LAMA4: variants seen among roughly 807,000 people sequenced by gnomAD.
LAMA4 encodes laminin subunit alpha-4.
Under a neutral mutation model 207.1 loss-of-function variants are expected in LAMA4, and 127 were observed. The observed-to-expected ratio is 0.61, with a 90% CI of 0.53 to 0.71. The LOEUF (loss-of-function observed/expected upper bound fraction) is 0.71, where lower values mean the gene tolerates loss of function less well. LAMA4 is among the 30% of genes least tolerant of loss of function. LAMA4 has a pLI of 0.00. For missense variants in LAMA4, 2,093 were observed against 2,246.5 expected (o/e 0.93, Z 1.38); for synonymous variants, 761 against 816.0 (o/e 0.93, Z 1.15).
At chr6:112,121,491 G>A (rs2114596995) in intron 32 of LAMA4, among the ~76,000 whole-genome samples, 1 of 152,240 alleles carries the variant, frequency 6.6e-6, no homozygotes, top group East Asian at 1.9e-4. Context: ...AAAATATTTG[G>A]GTGCTAAAAC....
chr6:112,112,835 T>G (rs1777781714), intron 38 of LAMA4, among the ~76,000 whole-genome samples: 1 of 152,186 alleles, frequency 6.6e-6, no homozygotes, highest in Non-Finnish European at 1.5e-5. Flanking sequence ...GCTCTCTTCT[T>G]TAAAGCATTG....
At position 112,141,438 on chromosome 6, in the gene LAMA4, T is replaced by C; in HGVS notation, c.2733A>G (p.Gly911=). 6.2e-7 allele frequency: 1 copy of C among 1,612,832 alleles called. No individual in the cohort carries two copies. Among genetic ancestry groups the C allele is most frequent in the Non-Finnish European group, 8.5e-7 (1 of 1,178,794 alleles). ...NDNLVYVYNL[G]TKDVEIPLDS... The stretch of plus-strand genomic sequence containing the variant: ...CCAGGGGAATCTCCACATCTTTAGT[T>C]CCCAAATTATAGACGTATACCAGAT... The change falls in exon 21 of 39, where the codon GGA becomes GGG. Residue 911 remains glycine, a synonymous_variant. Coordinates refer to ENST00000230538, the MANE Select transcript of LAMA4 (RefSeq NM_001105206.3).
At chr6:112,161,849 G>C (rs1554338462) in intron 13 of LAMA4, among the ~76,000 whole-genome samples, 1 of 152,088 alleles carries the variant, frequency 6.6e-6, no homozygotes, top group Non-Finnish European at 1.5e-5. Context: ...GAAAAATAGA[G>C]AGGAGTTTGT....
chr6:112,171,215 C>CT lies in LAMA4; in HGVS notation c.1551+1395dup, dbSNP rs553860003. ...TTTCATTTCCTTTTATCTGTCTCTCCTTTTTTTTTTTTTTAAACTACTGGT... is the reference window on the plus strand; with the variant it reads ...TTTCATTTCCTTTTATCTGTCTCTCCTTTTTTTTTTTTTTTAAACTACTGGT... On this transcript the variant is annotated intron_variant, in intron 12 of 38. Coordinates refer to ENST00000230538, the MANE Select transcript of LAMA4 (RefSeq NM_001105206.3). 1.5e-3 allele frequency among the ~76,000 whole-genome samples: 222 copies of CT among 143,698 alleles called. 2 individuals are homozygous for CT. The highest frequency in any genetic ancestry group is 0.013 in the South Asian group (60 of 4,478). The allele number at this position is 143,698 out of a possible 152,430, so 94.3% of individuals were successfully genotyped here.
rs1554190498 is a variant in LAMA4 at position 112,254,048 on chromosome 6, C to T, written c.103G>A (p.Asp35Asn). ...CCAACCGCTGAGCTCCCTTCAATGT[C>T]AAAAGGAAAAGCGTTGTCGTCCCCG... The part of the protein sequence containing the change: ...ASGDDNAFPF[D>N]IEGSSAVGRQ... The change falls in exon 2 of 39, where the codon GAC becomes AAC. Residue 35 changes from aspartate to asparagine, a missense_variant. By Grantham distance (23) the Asp-to-Asn change is conservative (BLOSUM62 1). Transcript: ENST00000230538. The T allele has an allele frequency of 6.2e-7, 1 of 1,603,338 alleles. No individual in the cohort carries two copies. The highest frequency in any genetic ancestry group is 8.5e-7 in the Non-Finnish European group (1 of 1,175,048).
rs1554320951 is a variant in LAMA4 at position 112,109,527 on chromosome 6, G to T, written c.5382C>A (p.Arg1794=). 1 of 1,614,078 alleles carries T rather than the reference G, an allele frequency of 6.2e-7. No individual in the cohort carries two copies. Among genetic ancestry groups the T allele is most frequent in the African/African-American group, 1.3e-5 (1 of 75,028 alleles). Residue 1794 remains arginine, a synonymous_variant, in exon 39 of 39, where the codon CGC becomes CGA. Coordinates refer to ENST00000230538, the MANE Select transcript of LAMA4 (RefSeq NM_001105206.3). The part of the protein sequence containing the change: ...APSKPFTGCI[R]HFVIDGHPVS... ...CTGGGTGTCCATCAATCACAAAGTGGCGTATGCAGCCTGTGAAGGGTTTGC... is the reference window on the plus strand; with the variant it reads ...CTGGGTGTCCATCAATCACAAAGTGTCGTATGCAGCCTGTGAAGGGTTTGC...
At chr6:112,227,970 A>G (rs782809657) in intron 2 of LAMA4, among the ~76,000 whole-genome samples, 1 of 152,232 alleles carries the variant, frequency 6.6e-6, no homozygotes, top group Non-Finnish European at 1.5e-5. Context: ...AATAGTGCAC[A>G]ATACTCTCAT....
intron 22 of LAMA4, among the ~76,000 whole-genome samples, chr6:112,140,378 T>C (rs1779619370): frequency 6.6e-6 from 1 of 152,216 alleles, no homozygotes; most frequent in Admixed American, 6.5e-5. Context: ...CTTTATTTCA[T>C]ACCTGTATTA....
At chr6:112,213,500 A>G (rs1175142065) in intron 3 of LAMA4, 1 of 152,236 alleles carries the variant, frequency 6.6e-6, no homozygotes, top group East Asian at 1.9e-4. Flanking sequence ...TCCAGTTCTC[A>G]TAAGATGCAA....
At chr6:112,249,887 C>CT (rs1452409473) in intron 2 of LAMA4, among the ~76,000 whole-genome samples, 1 of 152,168 alleles carries the variant, frequency 6.6e-6, no homozygotes, top group Non-Finnish European at 1.5e-5. Flanking sequence ...AGGAATAATA[C>CT]TTTTTTCACA....
chr6:112,221,012 T>C (rs1784893790), intron 2 of LAMA4, among the ~76,000 whole-genome samples: 1 of 152,196 alleles, frequency 6.6e-6, no homozygotes, highest in African/African-American at 2.4e-5. Flanking sequence ...TTGAGAAGCC[T>C]GATTTATTAA....
intron 2 of LAMA4, among the ~76,000 whole-genome samples, chr6:112,238,508 G>C (rs530899696): frequency 1.3e-5 from 2 of 151,716 alleles, no homozygotes; most frequent in Non-Finnish European, 2.9e-5. Flanking sequence ...TCAGGAGTTC[G>C]AGACCAGCCT....
chr6:112,254,170 A>G lies in LAMA4; in HGVS notation c.-20T>C, dbSNP rs1457371268. On this transcript the variant is annotated 5_prime_UTR_variant, in exon 2 of 39. Transcript: ENST00000230538. ...AGCCATTTCTCCGCTGACATCCAGT[A>G]GTGCTCTTCCAGGGCTCGGGCGCTG... 2 of 1,612,284 alleles carry G rather than the reference A, an allele frequency of 1.2e-6. No homozygotes were observed. The highest frequency in any genetic ancestry group is 1.3e-5 in the African/African-American group (1 of 74,926).
At chr6:112,166,702 A>G (rs1554340056) in intron 12 of LAMA4, among the ~76,000 whole-genome samples, 1 of 152,252 alleles carries the variant, frequency 6.6e-6, no homozygotes, top group East Asian at 1.9e-4. Context: ...CTTACCGTAT[A>G]TAGCATTAGA....
At chr6:112,204,084 A>G (rs1344597821) in intron 4 of LAMA4, among the ~76,000 whole-genome samples, 1 of 152,172 alleles carries the variant, frequency 6.6e-6, no homozygotes, top group Admixed American at 6.5e-5. Context: ...CTCAACTAAC[A>G]TACCGGATAC....
At position 112,150,734 on chromosome 6, in the gene LAMA4, A is replaced by G. The variant is rs528935162; in HGVS notation, c.2057-107T>C. 16 of 806,920 alleles carry G rather than the reference A, an allele frequency of 2.0e-5. No homozygotes were observed. In the East Asian group the frequency reaches 2.2e-4, roughly 11 times the overall value. The allele number at this position is 806,920 out of a possible 1,614,324, so 50.0% of individuals were successfully genotyped here. On this transcript the variant is annotated intron_variant, in intron 16 of 38. Coordinates refer to ENST00000230538, the MANE Select transcript of LAMA4 (RefSeq NM_001105206.3). Reference sequence around the variant, plus strand: ...TTTGTACGATGCAGTCATCTGCAGTATTTGCAGTATTCTGAATACTCTGAA... The same window carrying G: ...TTTGTACGATGCAGTCATCTGCAGTGTTTGCAGTATTCTGAATACTCTGAA...
At chr6:112,209,395 G>T (rs1279140059) in intron 3 of LAMA4, among the ~76,000 whole-genome samples, 1 of 152,180 alleles carries the variant, frequency 6.6e-6, no homozygotes, top group African/African-American at 2.4e-5. Flanking sequence ...GGCAGCCATG[G>T]GAAGCAGTGA....
rs1554333024 is a variant in LAMA4 at position 112,140,912 on chromosome 6, G to A, written c.2824C>T (p.His942Tyr). 1 of 1,611,546 alleles carries A rather than the reference G, an allele frequency of 6.2e-7. No homozygotes were observed. Among genetic ancestry groups the A allele is most frequent in the African/African-American group, 1.3e-5 (1 of 74,814 alleles). ...GGGACTGTTAAAAACACCTTTCCAT[G>A]TTTTCCCACCCTATTGAGATAAATA... ...SIVKIERVGK[H>Y]GKVFLTVPSL... The change falls in exon 22 of 39, where the codon CAT becomes TAT. Residue 942 changes from histidine (H) to tyrosine (Y), a missense_variant. His to Tyr is a moderately conservative substitution (Grantham distance 83). Around this residue, in one of 3 missense-constraint regions of LAMA4, gnomAD observed 1,704 missense variants for 1,788.4 expected, o/e 0.95. Coordinates refer to ENST00000230538, the MANE Select transcript of LAMA4 (RefSeq NM_001105206.3).
Position 112,254,528 on chromosome 6 carries a change from C to T in LAMA4, c.-211G>A, listed in dbSNP as rs548862313. 1.1e-4 allele frequency: 38 copies of T among 352,782 alleles called. No individual in the cohort carries two copies. In the Admixed American group the frequency reaches 1.4e-3, roughly 13 times the overall value. 21.9% of individuals were successfully genotyped at this position (352,782 alleles called of 1,614,324 possible). A position where few individuals can be genotyped will look rare whatever the true frequency, so the allele number is the denominator to read the frequency against. On this transcript the variant is annotated 5_prime_UTR_variant, in exon 1 of 39. Coordinates refer to ENST00000230538, the MANE Select transcript of LAMA4 (RefSeq NM_001105206.3). ...CGCTAGGCCACCTCCTCTCCCTGGC[C>T]GTTCGGGACTGGGGACTGCGCTGTC...
Sources: allele counts gnomAD v4.1 joint callset (sites outside exome capture counted in the v4.1 genomes callset), GRCh38; gene constraint gnomAD v4.1.1; regional missense constraint gnomAD v4.1.1; transcripts MANE v1.5; gene names NCBI Gene and HGNC (gene_info 2026-07-23, HGNC 2026-07-21).